DISC1: variants seen among roughly 807,000 people sequenced by gnomAD.
DISC1 encodes disrupted in schizophrenia 1 protein.
Under a neutral mutation model 84.5 loss-of-function variants are expected in DISC1, and 57 were observed. The observed-to-expected ratio is 0.67, with a 90% CI of 0.55 to 0.84. The LOEUF (loss-of-function observed/expected upper bound fraction) is 0.84, where lower values mean the gene tolerates loss of function less well. Among genes scored for constraint, DISC1 ranks in the 40% least tolerant of loss-of-function variants. The pLI, the probability that DISC1 is intolerant of heterozygous loss-of-function variation, is 0.00. For missense variants in DISC1, 1,000 were observed against 1,057.8 expected, an observed-to-expected ratio of 0.95 and a Z score of 0.76; for synonymous variants, 411 against 415.2, an observed-to-expected ratio of 0.99 and a Z score of 0.12.
rs190049242 is a variant in DISC1, at chr1:231,666,779, C to A, written c.68-27047C>A. 5.3e-5 allele frequency among the ~76,000 whole-genome samples: 8 copies of A among 152,240 alleles called. No individual in the cohort carries two copies. In the East Asian group the frequency reaches 1.5e-3, roughly 29 times the overall value. On this transcript the variant is annotated intron_variant, in intron 1 of 12. Transcript: ENST00000439617. ...AAAAAGGCGTTCATCTTCACCCCATCGTAATGGGCTCTGAGGAGGACTGGC... is the reference window on the plus strand; with the variant it reads ...AAAAAGGCGTTCATCTTCACCCCATAGTAATGGGCTCTGAGGAGGACTGGC...
chr1:231,728,304 A>G (rs571829408), intron 3 of DISC1, among the ~76,000 whole-genome samples: 1 of 152,280 alleles, frequency 6.6e-6, no homozygotes, highest in South Asian at 2.1e-4. Context: ...TTAAAGTGAG[A>G]CTGTCTTCTC....
At chr1:231,695,811 A>G (rs1242818985) in intron 2 of DISC1, among the ~76,000 whole-genome samples, 2 of 152,096 alleles carry the variant, frequency 1.3e-5, no homozygotes, top group Non-Finnish European at 2.9e-5. Flanking sequence ...GTTCATGCTC[A>G]TTCCCCGAAA....
chr1:231,792,590 A>G (rs2078433007), intron 6 of DISC1, among the ~76,000 whole-genome samples: 1 of 152,230 alleles, frequency 6.6e-6, no homozygotes. Flanking sequence ...TAACGAGCCC[A>G]GCAAGGGAAA....
intron 8 of DISC1, among the ~76,000 whole-genome samples, chr1:231,816,641 G>A (rs1360801469): frequency 1.3e-5 from 2 of 152,040 alleles, no homozygotes; most frequent in South Asian, 2.1e-4. Flanking sequence ...ATAGCTAGTT[G>A]TTCCAGCACC....
chr1:231,671,002 G>A (rs2062565088), intron 1 of DISC1, among the ~76,000 whole-genome samples: 1 of 152,224 alleles, frequency 6.6e-6, no homozygotes, highest in Admixed American at 6.5e-5. Context: ...AAACTGTATA[G>A]GGAGTGTTAC....
chr1:231,732,158 T>A (rs1469757808), intron 3 of DISC1, among the ~76,000 whole-genome samples: 1 of 152,228 alleles, frequency 6.6e-6, no homozygotes, highest in East Asian at 1.9e-4. Flanking sequence ...GAAGGCTACA[T>A]GAGAAAGGTG....
chr1:231,851,111 C>T (rs1305889498), intron 9 of DISC1, among the ~76,000 whole-genome samples: 2 of 152,194 alleles, frequency 1.3e-5, no homozygotes, highest in Admixed American at 1.3e-4. Context: ...GCTTCTCCTG[C>T]ACTTACTGTA....
At chr1:231,903,700 G>T (rs537445637) in intron 9 of DISC1, among the ~76,000 whole-genome samples, 4 of 152,342 alleles carry the variant, frequency 2.6e-5, no homozygotes, top group Non-Finnish European at 5.9e-5. Context: ...GCCACAGTGT[G>T]TTGGGCATCT....
rs185422574 is a variant in DISC1, at chr1:232,039,440, A to T, written c.*2609A>T. 40 of 152,176 alleles carry T rather than the reference A, an allele frequency of 2.6e-4. No individual in the cohort carries two copies. Among genetic ancestry groups the T allele is most frequent in the Admixed American group, 2.4e-3 (36 of 15,300 alleles). 9.4% of individuals were successfully genotyped at this position (152,176 alleles called of 1,614,324 possible). A position where few individuals can be genotyped will look rare whatever the true frequency, so the allele number is the denominator to read the frequency against. ...GAACCCGAAATAAGGGTTCTTTGGT[A>T]CCTCTAGTAGATAGTGTGTTCATTT... On this transcript the variant is annotated 3_prime_UTR_variant, in exon 13 of 13. Coordinates refer to ENST00000439617, the MANE Select transcript of DISC1 (RefSeq NM_018662.3).
intron 8 of DISC1, among the ~76,000 whole-genome samples, chr1:231,806,781 C>T (rs528760240): frequency 4.6e-5 from 7 of 152,384 alleles, no homozygotes; most frequent in Non-Finnish European, 7.3e-5. Context: ...TCTCACTGAA[C>T]GCTCCCGCCC....
intron 11 of DISC1, among the ~76,000 whole-genome samples, chr1:232,012,381 A>G (rs1250872207): frequency 1.3e-5 from 2 of 152,200 alleles, no homozygotes; most frequent in Non-Finnish European, 2.9e-5. Context: ...TTTAGACTAC[A>G]GAAGGTATGG....
chr1:231,900,089 G>A (rs996268609), intron 9 of DISC1, among the ~76,000 whole-genome samples: 1 of 152,168 alleles, frequency 6.6e-6, no homozygotes, highest in East Asian at 1.9e-4. Flanking sequence ...GAATAGTCTA[G>A]CCTGTGTTTG....
chr1:231,644,400 T>G (rs1015219065), intron 1 of DISC1, among the ~76,000 whole-genome samples: 2 of 152,232 alleles, frequency 1.3e-5, no homozygotes, highest in South Asian at 4.1e-4. Flanking sequence ...ATCCCAGGCT[T>G]TCTCGCCAGC....
At chr1:232,001,260 G>A (rs547823006) in intron 10 of DISC1, among the ~76,000 whole-genome samples, 29 of 152,108 alleles carry the variant, frequency 1.9e-4, no homozygotes, top group African/African-American at 6.5e-4. Flanking sequence ...TGCATTTTTA[G>A]TAGAGATGGG....
chr1:231,762,734 T>A (rs2075858421), intron 4 of DISC1, among the ~76,000 whole-genome samples: 1 of 151,878 alleles, frequency 6.6e-6, no homozygotes, highest in Non-Finnish European at 1.5e-5. Flanking sequence ...CCTGGGGAGA[T>A]CAACAGCAAG....
rs578194092 is a variant in DISC1 at position 232,031,469 on chromosome 1, G to C, written c.2425+4917G>C. ...GGAAAGGAGAAGGGAAGGGAGAAGG[G>C]AAGGGAGCAAAAGGGAAGGAAAGAA... On this transcript the variant is annotated intron_variant, in intron 12 of 12. Transcript: ENST00000439617. This position sits in a 1 kb window ranked among gnomAD's most constrained non-coding sequence, Gnocchi z 4.6. Among the ~76,000 whole-genome samples the C allele has an allele frequency of 6.6e-6, 1 of 150,844 alleles. No homozygotes were observed. The highest frequency in any genetic ancestry group is 1.5e-5 in the Non-Finnish European group (1 of 67,644).
chr1:231,648,377 T>G (rs1371366331), intron 1 of DISC1, among the ~76,000 whole-genome samples: 1 of 152,244 alleles, frequency 6.6e-6, no homozygotes, highest in Non-Finnish European at 1.5e-5. Context: ...CTTGCATATG[T>G]TGAACCAGCC....
At chr1:231,665,803 AAT>A (rs1376596593) in intron 1 of DISC1, among the ~76,000 whole-genome samples, 2 of 152,142 alleles carry the variant, frequency 1.3e-5, no homozygotes, top group Admixed American at 6.5e-5. Flanking sequence ...TCAACTGTAC[AAT>A]AGGTTTTCTG....
chr1:231,912,228 C>G (rs2089267189), intron 9 of DISC1, among the ~76,000 whole-genome samples: 1 of 152,206 alleles, frequency 6.6e-6, no homozygotes, highest in Admixed American at 6.5e-5. Context: ...TGGCAAGGAG[C>G]TGTGTTCCTT....
Sources: gnomAD v4.1 joint callset for allele counts (sites outside exome capture counted in the v4.1 genomes callset) on GRCh38, gnomAD v4.1.1 for gene constraint, Gnocchi (gnomAD v3.1) non-coding constraint, MANE v1.5 for transcripts, NCBI Gene and HGNC (gene_info 2026-07-23, HGNC 2026-07-21) for gene names.